WDR31: variants seen among roughly 807,000 people sequenced by gnomAD.
WDR31 encodes the protein WD repeat domain 31, also known as WD repeat-containing protein 31.
WDR31 carries 30 observed loss-of-function variants against 47.3 expected under a neutral mutation model. The observed-to-expected ratio is 0.63, with a 90% confidence interval of 0.47 to 0.86. The LOEUF is 0.86. Among genes scored for constraint, WDR31 ranks in the 40% least tolerant of loss-of-function variants. The pLI is 0.00. For synonymous variants in WDR31, 137 were observed against 159.4 expected (o/e 0.86, Z 1.06); for missense variants, 406 against 442.9 (o/e 0.92, Z 0.75).
At chr9:113,337,503 T>A (rs1588052974) in intron 1 of WDR31, among the ~76,000 whole-genome samples, 1 of 151,086 alleles carries the variant, frequency 6.6e-6, no homozygotes, top group Non-Finnish European at 1.5e-5. Flanking sequence ...TCTTACTATA[T>A]TGCCCAGACT....
intron 4 of WDR31, 110 bp downstream of exon 4, chr9:113,330,874 T>G: frequency 7.9e-7 from 1 of 1,262,578 alleles, no homozygotes; most frequent in Admixed American, 2.5e-5. Flanking sequence ...AAGCCAATAT[T>G]TTTACACTTG....
intron 5 of WDR31, among the ~76,000 whole-genome samples, chr9:113,326,236 T>C (rs1338401927): frequency 2.0e-5 from 3 of 152,208 alleles, no homozygotes; most frequent in Non-Finnish European, 4.4e-5. Flanking sequence ...ATAATATACC[T>C]TCAACTATAT....
intron 5 of WDR31, among the ~76,000 whole-genome samples, chr9:113,325,215 A>T (rs1228404896): frequency 6.6e-6 from 1 of 152,042 alleles, no homozygotes; most frequent in Non-Finnish European, 1.5e-5. Flanking sequence ...TTGGCCTCCT[A>T]AACTGCTGGG....
At chr9:113,329,938 G>A (rs562177022) in intron 4 of WDR31, among the ~76,000 whole-genome samples, 95 of 151,988 alleles carry the variant, frequency 6.3e-4, no homozygotes, top group African/African-American at 1.4e-3. Flanking sequence ...CCGAGATGGC[G>A]CCACTGCACT....
chr9:113,333,370 A>ATTTTTT (rs60772699), intron 2 of WDR31, among the ~76,000 whole-genome samples: 4 of 102,942 alleles, frequency 3.9e-5, no homozygotes, highest in African/African-American at 1.0e-4. Context: ...TGGTTGTTGG[A>ATTTTTT]TTTTTTTTTT....
intron 9 of WDR31, among the ~76,000 whole-genome samples, chr9:113,319,635 G>T (rs771854693): frequency 6.6e-6 from 1 of 152,046 alleles, no homozygotes; most frequent in Non-Finnish European, 1.5e-5. Flanking sequence ...TGAATCTAAG[G>T]TGCTTTGGAG....
chr9:113,323,240 C>A, intron 5 of WDR31, 85 bp from the exon 6 acceptor site: 1 of 1,468,034 alleles, frequency 6.8e-7, no homozygotes, highest in Non-Finnish European at 9.2e-7. Flanking sequence ...GATGAGTCTG[C>A]ATAACTCCCT....
chr9:113,326,922 A>G (rs902833813), intron 5 of WDR31, among the ~76,000 whole-genome samples: 1 of 152,098 alleles, frequency 6.6e-6, no homozygotes, highest in African/African-American at 2.4e-5. Flanking sequence ...TATGGCTTCA[A>G]CCTCATGGAC....
At chr9:113,323,308 C>A (rs1348695318) in intron 5 of WDR31, among the ~76,000 whole-genome samples, 153 bp from the exon 6 acceptor site, 1 of 152,108 alleles carries the variant, frequency 6.6e-6, no homozygotes, top group African/African-American at 2.4e-5. Flanking sequence ...GTCACCCAGG[C>A]TGGAGGGCAG....
intron 4 of WDR31, 114 bp from the exon 5 acceptor site, chr9:113,329,069 G>A: frequency 3.1e-6 from 3 of 956,366 alleles, no homozygotes; most frequent in Non-Finnish European, 4.9e-6. Context: ...CTCTGCTCAG[G>A]AACTTGCTCA....
At chr9:113,320,531 A>G (rs1833304539) in intron 8 of WDR31, 33 bp from the exon 9 acceptor site, 1 of 1,606,330 alleles carries the variant, frequency 6.2e-7, no homozygotes, top group Non-Finnish European at 8.5e-7. Flanking sequence ...ATTAGCTTGT[A>G]GTAAATGTGG....
At chr9:113,335,667 T>C (rs141954981) in intron 2 of WDR31, among the ~76,000 whole-genome samples, 131 of 152,272 alleles carry the variant, frequency 8.6e-4, no homozygotes, top group African/African-American at 2.9e-3. Flanking sequence ...CTGACGAGAA[T>C]AGGTAACCAA....
intron 5 of WDR31, among the ~76,000 whole-genome samples, chr9:113,324,264 C>A (rs979307617): frequency 6.6e-6 from 1 of 152,092 alleles, no homozygotes; most frequent in Admixed American, 6.6e-5. Flanking sequence ...TCTCTATGGA[C>A]TTGACTATTC....
chr9:113,332,311 C>G (rs549318986), intron 2 of WDR31, among the ~76,000 whole-genome samples: 172 of 152,298 alleles, frequency 1.1e-3, no homozygotes, highest in African/African-American at 3.9e-3. Context: ...GCCAAAAACA[C>G]AGAAACAGAT....
rs773582009 is a variant in WDR31, at chr9:113,331,050, G to C, written c.183C>G (p.His61Gln). The change falls in exon 4 of 11, where the codon CAC (histidine) becomes CAG (glutamine). Residue 61 changes from histidine (H) to glutamine (Q), a missense_variant. Coordinates refer to ENST00000374193, the MANE Select transcript of WDR31 (RefSeq NM_001012361.4). Reference sequence around the variant, plus strand: ...CAGCCACGACAGAGACGGTATCCATGTGAGCTGGGCTATACTCTTGAAAAG... The same window carrying C: ...CAGCCACGACAGAGACGGTATCCATCTGAGCTGGGCTATACTCTTGAAAAG... ...TKAFQEYSPA[H>Q]MDTVSVVAAL... 3.1e-6 allele frequency: 5 copies of C among 1,612,400 alleles called. No individual in the cohort carries two copies. The highest frequency in any genetic ancestry group is 1.7e-5 in the Admixed American group (1 of 59,998).
At position 113,316,467 on chromosome 9, in the gene WDR31, C is replaced by A; in HGVS notation, c.*282G>T. 1 of 310,192 alleles carries A rather than the reference C, an allele frequency of 3.2e-6. No individual in the cohort carries two copies. The highest frequency in any genetic ancestry group is 6.0e-6 in the Non-Finnish European group (1 of 167,042). 19.2% of individuals were successfully genotyped at this position (310,192 alleles called of 1,614,324 possible). A position where few individuals can be genotyped will look rare whatever the true frequency, so the allele number is the denominator to read the frequency against. ...TTACAGGTCATCATTCTGAGCAATA[C>A]ACTTTTTTTGAAGAGTAGTCCTAAA... On this transcript the variant is annotated 3_prime_UTR_variant, in exon 11 of 11. Transcript: ENST00000374193.
At chr9:113,327,175 T>C (rs1462210313) in intron 5 of WDR31, among the ~76,000 whole-genome samples, 1 of 152,206 alleles carries the variant, frequency 6.6e-6, no homozygotes, top group Non-Finnish European at 1.5e-5. Context: ...AGAGTACATG[T>C]TCTCTTAATT....
rs1373817447 is a variant in WDR31 at position 113,340,209 on chromosome 9, G to A, written c.-182+8C>T. On this transcript the variant is annotated splice_region_variant and intron_variant, in intron 1 of 10. Coordinates refer to ENST00000374193, the MANE Select transcript of WDR31 (RefSeq NM_001012361.4). The stretch of plus-strand genomic sequence containing the variant: ...GCCCCTTTCTCCCACCTCAGGCTCA[G>A]TACCCACCGGTGGGCTGCGGGGCTG... 1 of 152,296 alleles carries A rather than the reference G, an allele frequency of 6.6e-6. No homozygotes were observed. Among genetic ancestry groups the A allele is most frequent in the Non-Finnish European group, 1.5e-5 (1 of 68,090 alleles). 9.4% of individuals were successfully genotyped at this position (152,296 alleles called of 1,614,324 possible). A position where few individuals can be genotyped will look rare whatever the true frequency, so the allele number is the denominator to read the frequency against.
intron 7 of WDR31, among the ~76,000 whole-genome samples, chr9:113,322,364 T>A (rs1188059082): frequency 6.6e-6 from 1 of 152,124 alleles, no homozygotes; most frequent in South Asian, 2.1e-4. Context: ...AGTCTGCTAC[T>A]AGAAAACAAC....
Sources: gnomAD v4.1 joint callset for allele counts (sites outside exome capture counted in the v4.1 genomes callset) on GRCh38, gnomAD v4.1.1 for gene constraint, MANE v1.5 for transcripts, NCBI Gene and HGNC (gene_info 2026-07-23, HGNC 2026-07-21) for gene names.